TXLNG: variants seen among roughly 807,000 people sequenced by gnomAD.
TXLNG encodes taxilin gamma, also known as gamma-taxilin.
Under a neutral mutation model 38.8 loss-of-function variants are expected in TXLNG, and 5 were observed. That is an observed-to-expected ratio of 0.13 (90% CI 0.07 to 0.27). The LOEUF (loss-of-function observed/expected upper bound fraction) is 0.27. Ranked by LOEUF, TXLNG falls within the 10% of genes least tolerant of loss-of-function variation. The probability of loss-of-function intolerance (pLI) is 1.00; values close to 1 mark genes in which losing one functional copy is unlikely to be tolerated. For missense variants in TXLNG, 393 were observed against 398.2 expected (o/e 0.99, Z 0.11); for synonymous variants, 182 against 158.2 (o/e 1.15, Z -1.13).
chrX:16,841,812 T>G lies in TXLNG; in HGVS notation c.*46T>G, dbSNP rs764038088. On this transcript the variant is annotated 3_prime_UTR_variant, in exon 10 of 10. Coordinates refer to ENST00000380122, the MANE Select transcript of TXLNG (RefSeq NM_018360.3). ...TTGAGAGATATATTTTGTGTATAAC[T>G]TTCTCTGTTAGTAGTTAACTATTGG... is the stretch of plus-strand genomic sequence containing the variant. 39 of 1,130,106 alleles carry G rather than the reference T, an allele frequency of 3.5e-5. No homozygotes were observed. Among genetic ancestry groups the G allele is most frequent in the Non-Finnish European group, 4.5e-5 (38 of 844,000 alleles). 93.1% of individuals were successfully genotyped at this position (1,130,106 alleles called of 1,213,427 possible). A position where few individuals can be genotyped will look rare whatever the true frequency, so the allele number is the denominator to read the frequency against.
In TXLNG at chrX:16,786,491, G is replaced by C; in HGVS notation, c.4G>C (p.Ala2Pro). 1 of 1,118,621 alleles carries C rather than the reference G, an allele frequency of 8.9e-7. No individual in the cohort carries two copies. Among genetic ancestry groups the C allele is most frequent in the Non-Finnish European group, 1.2e-6 (1 of 851,457 alleles). 92.2% of individuals were successfully genotyped at this position (1,118,621 alleles called of 1,213,427 possible). M[A>P]TRVEEAARGR... ...GTTTGGCTGCTGCCGTCACCTCATGGCGACGCGGGTAGAGGAGGCAGCGCG... is the reference window on the plus strand; with the variant it reads ...GTTTGGCTGCTGCCGTCACCTCATGCCGACGCGGGTAGAGGAGGCAGCGCG... Residue 2 changes from alanine (A) to proline (P), a missense_variant, in exon 1 of 10, where the codon GCG becomes CCG. Ala to Pro is a conservative substitution (Grantham distance 27, BLOSUM62 -1). Coordinates refer to ENST00000380122, the MANE Select transcript of TXLNG (RefSeq NM_018360.3).
intron 1 of TXLNG, among the ~76,000 whole-genome samples, chrX:16,809,945 T>TA (rs1477500448): frequency 8.9e-6 from 1 of 111,987 alleles, no homozygotes; most frequent in Non-Finnish European, 1.9e-5. Flanking sequence ...GTTTGAACAG[T>TA]AGTAGACAGA....
rs951609359 is a variant in TXLNG, at chrX:16,841,871, A to G, written c.*105A>G. ...TGAAAATTTTCTTACTTTTTCTACC[A>G]TATCTGTATTTTCTTAGAACTACTG... is the stretch of plus-strand genomic sequence containing the variant. On this transcript the variant is annotated 3_prime_UTR_variant, in exon 10 of 10. Transcript: ENST00000380122. 10 of 906,250 alleles carry G rather than the reference A, an allele frequency of 1.1e-5. No homozygotes were observed. The highest frequency in any genetic ancestry group is 3.2e-5 in the Admixed American group (1 of 31,143). The allele number at this position is 906,250 out of a possible 1,213,427, so 74.7% of individuals were successfully genotyped here.
At position 16,820,209 on chromosome X, in the gene TXLNG, C is replaced by G. The variant is rs1441032501; in HGVS notation, c.452C>G (p.Thr151Ser). Residue 151 changes from threonine to serine, a missense_variant, in exon 3 of 10, where the codon ACC becomes AGC. By Grantham distance (58) the Thr-to-Ser change is moderately conservative. Coordinates refer to ENST00000380122, the MANE Select transcript of TXLNG (RefSeq NM_018360.3). ...LLMQALNTLS[T>S]PEEKLAALCK... ...ATGCAAGCCCTAAACACCCTTTCAA[C>G]CCCAGAGGAGAAGCTGGCAGCTCTC... 1 of 1,210,376 alleles carries G rather than the reference C, an allele frequency of 8.3e-7. No individual in the cohort carries two copies. The highest frequency in any genetic ancestry group is 2.2e-5 in the Admixed American group (1 of 45,868).
At chrX:16,835,832 T>C (rs559790150) in intron 7 of TXLNG, among the ~76,000 whole-genome samples, 2 of 112,595 alleles carry the variant, frequency 1.8e-5, no homozygotes, top group South Asian at 3.7e-4. Flanking sequence ...CTCAAAGTCT[T>C]TGTGCTGTCT....
At chrX:16,800,679 C>T (rs758952504) in intron 1 of TXLNG, among the ~76,000 whole-genome samples, 17 of 109,120 alleles carry the variant, frequency 1.6e-4, no homozygotes, top group Non-Finnish European at 3.0e-4. Flanking sequence ...ATTCTCCTGT[C>T]TCAGCCTCCT....
rs1255962366 is a variant in TXLNG, at chrX:16,840,446, A to C, written c.1248+530A>C. ...TGCCTGTTTTATATAACACTTCAGGAAAGAAAGAAAACGCTGGGGCACATG... is the reference window on the plus strand; with the variant it reads ...TGCCTGTTTTATATAACACTTCAGGCAAGAAAGAAAACGCTGGGGCACATG... On this transcript the variant is annotated intron_variant, in intron 9 of 9. Transcript: ENST00000380122. 4.0e-6 allele frequency: 3 copies of C among 753,146 alleles called. No individual in the cohort carries two copies. In the African/African-American group the frequency reaches 6.9e-5, roughly 17 times the overall value. 62.1% of individuals were successfully genotyped at this position (753,146 alleles called of 1,213,427 possible). A position where few individuals can be genotyped will look rare whatever the true frequency, so the allele number is the denominator to read the frequency against.
intron 1 of TXLNG, among the ~76,000 whole-genome samples, chrX:16,791,871 C>G (rs1165898331): frequency 3.6e-5 from 4 of 112,429 alleles, no homozygotes; most frequent in Admixed American, 9.5e-5. Context: ...CAGGCATGAG[C>G]CACCGCGCCC....
chrX:16,817,588 G>C (rs1442121180), intron 1 of TXLNG, among the ~76,000 whole-genome samples: 1 of 111,793 alleles, frequency 8.9e-6, no homozygotes, highest in African/African-American at 3.2e-5. Context: ...ATTCAGAAAA[G>C]GAAGAGGCCC....
At chrX:16,826,983 C>T (rs1929192265) in intron 3 of TXLNG, among the ~76,000 whole-genome samples, 2 of 109,568 alleles carry the variant, frequency 1.8e-5, no homozygotes, top group South Asian at 7.9e-4. Context: ...AATCCCAGCA[C>T]TTTGGGAGGC....
At chrX:16,817,386 CTA>C (rs1452096613) in intron 1 of TXLNG, among the ~76,000 whole-genome samples, 1 of 112,292 alleles carries the variant, frequency 8.9e-6, no homozygotes, top group Admixed American at 9.5e-5. Flanking sequence ...CAACATTAGA[CTA>C]TAAAATATAA....
At position 16,843,262 on chromosome X, in the gene TXLNG, C is replaced by G. The variant is rs1319746401; in HGVS notation, c.*1496C>G. On this transcript the variant is annotated 3_prime_UTR_variant, in exon 10 of 10. Transcript: ENST00000380122. The stretch of plus-strand genomic sequence containing the variant: ...TTGTTACAAGTGTTATTTGTAAAGT[C>G]CTGTCACATTCATGGTCGAAACTGG... The G allele has an allele frequency of 8.9e-6, 1 of 111,984 alleles. No homozygotes were observed. Among genetic ancestry groups the G allele is most frequent in the Non-Finnish European group, 1.9e-5 (1 of 53,201 alleles). The allele number at this position is 111,984 out of a possible 1,213,427, so 9.2% of individuals were successfully genotyped here. A position where few individuals can be genotyped will look rare whatever the true frequency, so the allele number is the denominator to read the frequency against.
At chrX:16,824,871 A>G (rs1045355238) in intron 3 of TXLNG, among the ~76,000 whole-genome samples, 22 of 109,869 alleles carry the variant, frequency 2.0e-4, no homozygotes, top group Admixed American at 1.7e-3. Context: ...AGTTGCAGTG[A>G]GCCAAGATCG....
chrX:16,829,642 A>T lies in TXLNG; in HGVS notation c.736A>T (p.Ile246Phe). The T allele has an allele frequency of 8.3e-7, 1 of 1,211,755 alleles. No homozygotes were observed. Among genetic ancestry groups the T allele is most frequent in the South Asian group, 1.8e-5 (1 of 56,986 alleles). The change falls in exon 5 of 10, where the codon ATT becomes TTT. Residue 246 changes from isoleucine (I) to phenylalanine (F), a missense_variant. Ile to Phe is a conservative substitution (Grantham distance 21, BLOSUM62 0). Coordinates refer to ENST00000380122, the MANE Select transcript of TXLNG (RefSeq NM_018360.3). ...RRKEATAHFQ[I>F]TLNEIQAQLE... ...TAAAGAAGCAACTGCACATTTCCAGATTACCTTAAATGAAATTCAAGCCCA... is the reference window on the plus strand; with the variant it reads ...TAAAGAAGCAACTGCACATTTCCAGTTTACCTTAAATGAAATTCAAGCCCA...
intron 1 of TXLNG, among the ~76,000 whole-genome samples, chrX:16,799,734 G>C (rs1378289240): frequency 9.0e-6 from 1 of 110,624 alleles, no homozygotes; most frequent in African/African-American, 3.3e-5. Context: ...TCGCGCCACT[G>C]AACTCCAGCC....
chrX:16,821,724 C>T (rs1223483987), intron 3 of TXLNG, among the ~76,000 whole-genome samples: 3 of 111,613 alleles, frequency 2.7e-5, no homozygotes, highest in Non-Finnish European at 3.8e-5. Flanking sequence ...GGCGCGGTGG[C>T]TCACGCCTGT....
Position 16,837,295 on chromosome X carries a change from G to C in TXLNG, c.1060-298G>C, listed in dbSNP as rs192066859. Among the ~76,000 whole-genome samples the C allele has an allele frequency of 5.0e-3, 563 of 111,712 alleles. 7 individuals carry two copies. The highest frequency in any genetic ancestry group is 0.017 in the African/African-American group (514 of 30,788). ...AGGACAGTTTTCACTTGGCAGGAGAGGGGTAGTTGGGCGAGCACTCCACAT... is the reference window on the plus strand; with the variant it reads ...AGGACAGTTTTCACTTGGCAGGAGACGGGTAGTTGGGCGAGCACTCCACAT... On this transcript the variant is annotated intron_variant, in intron 7 of 9. Coordinates refer to ENST00000380122, the MANE Select transcript of TXLNG (RefSeq NM_018360.3).
At chrX:16,816,102 T>C (rs1050395315) in intron 1 of TXLNG, among the ~76,000 whole-genome samples, 2 of 108,893 alleles carry the variant, frequency 1.8e-5, no homozygotes, top group Non-Finnish European at 3.8e-5. Context: ...AGTCTCGCTT[T>C]GTCACCCAGG....
At chrX:16,800,100 C>T (rs929680104) in intron 1 of TXLNG, among the ~76,000 whole-genome samples, 2 of 109,036 alleles carry the variant, frequency 1.8e-5, no homozygotes, top group African/African-American at 6.7e-5. Context: ...CCACCACGCC[C>T]GGCTAATTTG....
Sources: allele counts gnomAD v4.1 joint callset (sites outside exome capture counted in the v4.1 genomes callset), GRCh38; gene constraint gnomAD v4.1.1; transcripts MANE v1.5; gene names NCBI Gene and HGNC (gene_info 2026-07-23, HGNC 2026-07-21).